The following NLK variants were observed in gnomAD, a reference collection of about 807,000 sequenced individuals.
NLK encodes nemo like kinase, also known as serine/threonine-protein kinase NLK.
Under a neutral mutation model 59.0 loss-of-function variants are expected in NLK, and 11 were observed. The observed-to-expected ratio is 0.19, with a 90% CI of 0.12 to 0.31. The LOEUF is 0.31. Among genes scored for constraint, NLK ranks in the 10% least tolerant of loss-of-function variants. The pLI is 1.00. For synonymous variants in NLK, 235 were observed against 235.9 expected, an observed-to-expected ratio of 1.00 and a Z score of 0.03; for missense variants, 410 against 661.1, an observed-to-expected ratio of 0.62 and a Z score of 4.16.
intron 7 of NLK, among the ~76,000 whole-genome samples, chr17:28,177,388 G>A (rs749122237): frequency 6.6e-6 from 1 of 152,194 alleles, no homozygotes; most frequent in African/African-American, 2.4e-5. Flanking sequence ...TATGTGGCAT[G>A]TTTAGTCAAG....
intron 1 of NLK, among the ~76,000 whole-genome samples, chr17:28,086,105 T>C (rs1344819331): frequency 6.6e-6 from 1 of 152,186 alleles, no homozygotes; most frequent in Non-Finnish European, 1.5e-5. Context: ...AAAAGGTAAC[T>C]ATAGTTTTTT....
intron 2 of NLK, among the ~76,000 whole-genome samples, chr17:28,130,603 C>T (rs546693376): frequency 2.0e-5 from 3 of 152,252 alleles, no homozygotes; most frequent in Admixed American, 1.3e-4. Context: ...ATGGTTGTCA[C>T]TTTCTTCTAG....
intron 1 of NLK, among the ~76,000 whole-genome samples, chr17:28,099,800 G>T (rs1335537007): frequency 1.3e-5 from 2 of 150,356 alleles, no homozygotes; most frequent in Admixed American, 6.6e-5. Flanking sequence ...GGATGGTCTC[G>T]ATCTCCTGAC....
chr17:28,053,486 T>C (rs1909331767), intron 1 of NLK, among the ~76,000 whole-genome samples: 1 of 152,234 alleles, frequency 6.6e-6, no homozygotes, highest in South Asian at 2.1e-4. Context: ...CTCCTATTGA[T>C]TTCTCTTTTT....
intron 1 of NLK, among the ~76,000 whole-genome samples, chr17:28,118,302 C>T (rs1415178391): frequency 6.6e-6 from 1 of 152,140 alleles, no homozygotes; most frequent in East Asian, 1.9e-4. Flanking sequence ...CTGATTACAA[C>T]TTTATGTGAA....
chr17:28,113,806 C>T (rs773980266), intron 1 of NLK, among the ~76,000 whole-genome samples: 6 of 152,126 alleles, frequency 3.9e-5, no homozygotes, highest in Non-Finnish European at 7.4e-5. Context: ...TGGAGTTGCT[C>T]TAATTCAAAC....
At chr17:28,064,773 A>G (rs1015463017) in intron 1 of NLK, among the ~76,000 whole-genome samples, 3 of 152,174 alleles carry the variant, frequency 2.0e-5, no homozygotes, top group African/African-American at 7.2e-5. Context: ...TTTATTGGCC[A>G]TGTGCCTTTC....
chr17:28,170,721 G>A (rs555504678), intron 6 of NLK, among the ~76,000 whole-genome samples: 163 of 152,284 alleles, frequency 1.1e-3, no homozygotes, highest in African/African-American at 3.8e-3. Flanking sequence ...AAAATAATAA[G>A]GAAGTATTCA....
chr17:28,082,347 A>C (rs1328973620), intron 1 of NLK, among the ~76,000 whole-genome samples: 2 of 152,224 alleles, frequency 1.3e-5, no homozygotes, highest in Non-Finnish European at 2.9e-5. Context: ...TTAGCTGTTA[A>C]AAGGGGGGAA....
chr17:28,098,800 A>C (rs530110683), intron 1 of NLK, among the ~76,000 whole-genome samples: 64 of 144,466 alleles, frequency 4.4e-4, no homozygotes, highest in Non-Finnish European at 8.2e-4. Flanking sequence ...TTCCTGCCTT[A>C]GCCTCCTGAG....
chr17:28,137,939 A>G (rs571408023), intron 3 of NLK, among the ~76,000 whole-genome samples: 1 of 152,212 alleles, frequency 6.6e-6, no homozygotes, highest in Non-Finnish European at 1.5e-5. Context: ...ATAATTTTAA[A>G]GATTATATAT....
chr17:28,117,308 T>C (rs1011327851), intron 1 of NLK, among the ~76,000 whole-genome samples: 3 of 152,200 alleles, frequency 2.0e-5, no homozygotes, highest in African/African-American at 7.2e-5. Flanking sequence ...TTTTAACTTA[T>C]CCAGTATTAT....
intron 1 of NLK, among the ~76,000 whole-genome samples, chr17:28,052,194 A>G (rs1909281869): frequency 6.6e-6 from 1 of 152,032 alleles, no homozygotes; most frequent in Non-Finnish European, 1.5e-5. Flanking sequence ...GACTTTAAAA[A>G]CTTGCTTAGT....
chr17:28,137,447 T>C (rs951360911), intron 3 of NLK, among the ~76,000 whole-genome samples: 4 of 152,138 alleles, frequency 2.6e-5, no homozygotes, highest in Non-Finnish European at 5.9e-5. Flanking sequence ...TACCACATCA[T>C]TACACTTTTT....
intron 10 of NLK, among the ~76,000 whole-genome samples, chr17:28,193,107 C>T (rs1322511231): frequency 3.3e-5 from 5 of 152,000 alleles, no homozygotes; most frequent in Non-Finnish European, 7.4e-5. Context: ...AGAATACAAA[C>T]GGGGAAAATT....
At chr17:28,181,023 A>G (rs1214766510) in intron 7 of NLK, among the ~76,000 whole-genome samples, 2 of 152,106 alleles carry the variant, frequency 1.3e-5, no homozygotes, top group Non-Finnish European at 2.9e-5. Flanking sequence ...GGAGGCCAAG[A>G]TGGGAGGATC....
At chr17:28,060,268 T>C (rs1230438538) in intron 1 of NLK, among the ~76,000 whole-genome samples, 3 of 151,996 alleles carry the variant, frequency 2.0e-5, no homozygotes, top group Non-Finnish European at 2.9e-5. Context: ...CTATTGACTT[T>C]AAAGCAAGAA....
chr17:28,112,616 A>G lies in NLK; in HGVS notation c.459-9987A>G, dbSNP rs563554548. On this transcript the variant is annotated intron_variant, in intron 1 of 10. Coordinates refer to ENST00000407008, the MANE Select transcript of NLK (RefSeq NM_016231.5). ...GGGGAAAGGATTTGCTGACCTCTTC[A>G]ATTTGCCACAGCTGGAAGTCCTGCC... is the stretch of plus-strand genomic sequence containing the variant. 2.0e-5 allele frequency among the ~76,000 whole-genome samples: 3 copies of G among 152,246 alleles called. No individual in the cohort carries two copies. The South Asian group carries it at 6.2e-4, about 32-fold the overall frequency.
chr17:28,183,819 A>G (rs1339624309), intron 7 of NLK, among the ~76,000 whole-genome samples: 2 of 152,224 alleles, frequency 1.3e-5, no homozygotes, highest in Non-Finnish European at 2.9e-5. Flanking sequence ...TAATTTGGCC[A>G]TAAGTCTAGA....
Sources: gnomAD v4.1 joint callset for allele counts (sites outside exome capture counted in the v4.1 genomes callset) on GRCh38, gnomAD v4.1.1 for gene constraint, MANE v1.5 for transcripts, NCBI Gene and HGNC (gene_info 2026-07-23, HGNC 2026-07-21) for gene names.